USP38: variants seen among roughly 807,000 people sequenced by gnomAD.
USP38 encodes the protein ubiquitin carboxyl-terminal hydrolase 38.
In USP38, 49 loss-of-function variants were observed where a neutral mutation model predicts 94.3. The observed-to-expected ratio is 0.52, with a 90% CI of 0.41 to 0.66. The LOEUF is 0.66. Among genes scored for constraint, USP38 ranks in the 30% least tolerant of loss-of-function variants. The pLI is 0.00. For synonymous variants in USP38, 468 were observed against 463.6 expected (o/e 1.01, Z -0.12); for missense variants, 1,128 against 1,229.4 (o/e 0.92, Z 1.23).
At chr4:143,206,551 G>A (rs1034889066) in intron 6 of USP38, among the ~76,000 whole-genome samples, 28 of 152,204 alleles carry the variant, frequency 1.8e-4, no homozygotes, top group Admixed American at 6.5e-4. Context: ...TTAGCCAGGC[G>A]TGGTGGTGGG....
chr4:143,199,816 T>C (rs944023400), intron 4 of USP38, among the ~76,000 whole-genome samples: 1 of 152,206 alleles, frequency 6.6e-6, no homozygotes, highest in Non-Finnish European at 1.5e-5. Flanking sequence ...CTTTGCCTGC[T>C]TTTTAATAGG....
intron 8 of USP38, among the ~76,000 whole-genome samples, 168 bp downstream of exon 8, chr4:143,212,592 C>CT (rs11402432): frequency 0.6 from 90,471 of 151,548 alleles, 27,149 homozygotes; most frequent in East Asian, 0.82. Context: ...ATTTATTTTC[C>CT]TTTTTGAATT....
Position 143,214,894 on chromosome 4 carries a change from A to G in USP38, c.2918A>G (p.Gln973Arg), listed in dbSNP as rs1255913289. The change falls in exon 9 of 10, where the codon CAG becomes CGG. Residue 973 changes from glutamine to arginine, a missense_variant. Physicochemically the swap from Gln to Arg is conservative, Grantham distance 43. Coordinates refer to ENST00000307017, the MANE Select transcript of USP38 (RefSeq NM_032557.6). ...TGGATAAATGGAGACCCACCTCTACAGAAAGAACTTATGGATGCTATAACA... is the reference window on the plus strand; with the variant it reads ...TGGATAAATGGAGACCCACCTCTACGGAAAGAACTTATGGATGCTATAACA... ...GLWINGDPPL[Q>R]KELMDAITKD... The G allele has an allele frequency of 3.1e-6, 5 of 1,613,364 alleles. No homozygotes were observed. In the African/African-American group the frequency reaches 6.7e-5, roughly 22 times the overall value.
intron 4 of USP38, among the ~76,000 whole-genome samples, chr4:143,198,423 A>T (rs1051343317): frequency 1.3e-5 from 2 of 152,218 alleles, no homozygotes; most frequent in African/African-American, 4.8e-5. Flanking sequence ...GTTACTGCAG[A>T]TGAGAAATGA....
At chr4:143,200,423 A>G (rs1731679234) in intron 4 of USP38, among the ~76,000 whole-genome samples, 1 of 152,172 alleles carries the variant, frequency 6.6e-6, no homozygotes, top group Admixed American at 6.6e-5. Flanking sequence ...CACAACCAAC[A>G]TTATACTCAA....
intron 4 of USP38, among the ~76,000 whole-genome samples, chr4:143,200,030 T>C (rs1157925891): frequency 6.6e-6 from 1 of 152,224 alleles, no homozygotes; most frequent in Non-Finnish European, 1.5e-5. Context: ...TTTTGGTGTC[T>C]TTGTCATGAA....
At chr4:143,187,204 G>T (rs1731254760) in intron 1 of USP38, among the ~76,000 whole-genome samples, 1 of 151,862 alleles carries the variant, frequency 6.6e-6, no homozygotes, top group Admixed American at 6.6e-5. Flanking sequence ...TGCTTAATTT[G>T]TATACAGTTT....
intron 1 of USP38, among the ~76,000 whole-genome samples, chr4:143,187,286 T>C (rs1323036772): frequency 2.0e-5 from 3 of 152,198 alleles, no homozygotes; most frequent in African/African-American, 7.2e-5. Flanking sequence ...CTTAGAGCAA[T>C]GTAATGATGA....
intron 2 of USP38, among the ~76,000 whole-genome samples, chr4:143,194,426 A>T (rs1731485131): frequency 6.6e-6 from 1 of 152,190 alleles, no homozygotes. Flanking sequence ...TCAAAAACTC[A>T]TTTTTCCCCT....
chr4:143,216,245 A>G (rs1341933836), intron 9 of USP38, among the ~76,000 whole-genome samples: 3 of 152,104 alleles, frequency 2.0e-5, no homozygotes, highest in Non-Finnish European at 4.4e-5. Flanking sequence ...TAAGACTCGT[A>G]TGTTACTTTA....
rs1732290878 is a variant in USP38, at chr4:143,220,363, T to C, written c.3036T>C (p.Asn1012=). The change falls in exon 10 of 10, where the codon AAT becomes AAC. Residue 1012 remains asparagine (N), a synonymous_variant. Transcript: ENST00000307017. ...CTGCTTCATGTTCATTTCGGCCCAA[T>C]GGATTTGATGACAACGACCCACCAG... ...AASASCSFRP[N]GFDDNDPPGS... is the part of the protein sequence containing the mutation. 1 of 1,613,438 alleles carries C rather than the reference T, an allele frequency of 6.2e-7. No individual in the cohort carries two copies. The highest frequency in any genetic ancestry group is 1.7e-5 in the Admixed American group (1 of 59,956).
At position 143,222,461 on chromosome 4, in the gene USP38, A is replaced by C. The variant is rs1330014576; in HGVS notation, c.*2005A>C. 1 of 152,000 alleles carries C rather than the reference A, an allele frequency of 6.6e-6. No individual in the cohort carries two copies. Among genetic ancestry groups the C allele is most frequent in the East Asian group, 1.9e-4 (1 of 5,202 alleles). The allele number at this position is 152,000 out of a possible 1,614,324, so 9.4% of individuals were successfully genotyped here. ...AGATGATTAGATATGATTGCATAGC[A>C]CTTACGTTGTGCTATGTAGTTGTTA... On this transcript the variant is annotated 3_prime_UTR_variant, in exon 10 of 10. Coordinates refer to ENST00000307017, the MANE Select transcript of USP38 (RefSeq NM_032557.6).
chr4:143,216,603 G>A (rs908718973), intron 9 of USP38, among the ~76,000 whole-genome samples: 1 of 151,224 alleles, frequency 6.6e-6, no homozygotes, highest in South Asian at 2.1e-4. Flanking sequence ...CTCCTGAGTA[G>A]CTAAGGACTA....
chr4:143,217,721 C>CA (rs1732221069), intron 9 of USP38, among the ~76,000 whole-genome samples: 1 of 152,108 alleles, frequency 6.6e-6, no homozygotes, highest in African/African-American at 2.4e-5. Context: ...ACCAGATTTA[C>CA]AAGTGTTAGA....
chr4:143,189,536 G>A (rs1262390941), intron 2 of USP38, among the ~76,000 whole-genome samples: 2 of 151,952 alleles, frequency 1.3e-5, no homozygotes, highest in East Asian at 3.9e-4. Flanking sequence ...CACAAACTCT[G>A]GGGACTTTGA....
chr4:143,215,093 C>G (rs1459533996), intron 9 of USP38, 150 bp downstream of exon 9: 4 of 764,518 alleles, frequency 5.2e-6, no homozygotes, highest in Non-Finnish European at 6.1e-6. Flanking sequence ...ACCTGTATAA[C>G]TAAATTGCCT....
chr4:143,202,002 G>T (rs1228349681), intron 4 of USP38, among the ~76,000 whole-genome samples: 1 of 152,112 alleles, frequency 6.6e-6, no homozygotes, highest in African/African-American at 2.4e-5. Context: ...AATCTAATTT[G>T]ACAGATTTGG....
chr4:143,208,179 G>A (rs754042609), intron 6 of USP38, among the ~76,000 whole-genome samples: 17 of 151,914 alleles, frequency 1.1e-4, no homozygotes, highest in Non-Finnish European at 1.6e-4. Context: ...ATACAGATCC[G>A]TGTCATTCCC....
chr4:143,190,393 C>T (rs746012282), intron 2 of USP38, among the ~76,000 whole-genome samples: 2 of 152,060 alleles, frequency 1.3e-5, no homozygotes, highest in South Asian at 2.1e-4. Context: ...CAAGCTCGTT[C>T]AGGTAATAAA....
Sources: gnomAD v4.1 joint callset for allele counts (sites outside exome capture counted in the v4.1 genomes callset) on GRCh38, gnomAD v4.1.1 for gene constraint, MANE v1.5 for transcripts, NCBI Gene and HGNC (gene_info 2026-07-23, HGNC 2026-07-21) for gene names.